Variants in ERC2 observed in about 807,000 individuals in gnomAD.
The protein encoded by ERC2 is ELKS/RAB6-interacting/CAST family member 2, also known as ERC protein 2.
Under a neutral mutation model 114.8 loss-of-function variants are expected in ERC2, and 42 were observed. That is an observed-to-expected ratio of 0.37 (90% CI 0.29 to 0.47). The LOEUF (loss-of-function observed/expected upper bound fraction) is 0.47, where lower values mean the gene tolerates loss of function less well. ERC2 is among the 20% of genes least tolerant of loss of function. The probability of loss-of-function intolerance (pLI) is 0.99; values close to 1 mark genes in which losing one functional copy is unlikely to be tolerated. For missense variants in ERC2, 939 were observed against 1,150.7 expected (o/e 0.82, Z 2.66); for synonymous variants, 454 against 425.5 (o/e 1.07, Z -0.82).
chr3:56,436,670 TG>T (rs1463090496), intron 1 of ERC2, among the ~76,000 whole-genome samples: 12 of 152,114 alleles, frequency 7.9e-5, no homozygotes, highest in Non-Finnish European at 1.8e-4. Context: ...CCTCCAGACA[TG>T]GTAGCTAGTT....
intron 6 of ERC2, among the ~76,000 whole-genome samples, chr3:56,112,300 G>C (rs1266085450): frequency 1.3e-5 from 2 of 152,074 alleles, no homozygotes; most frequent in Non-Finnish European, 2.9e-5. Flanking sequence ...ATATAACCAA[G>C]AAGTCATGTC....
chr3:56,013,574 G>T (rs1190768476), intron 8 of ERC2, among the ~76,000 whole-genome samples: 1 of 152,180 alleles, frequency 6.6e-6, no homozygotes, highest in Non-Finnish European at 1.5e-5. Context: ...AGGAGCGGTG[G>T]GTTGAGAAGT....
intron 6 of ERC2, among the ~76,000 whole-genome samples, chr3:56,130,932 T>C (rs1472291700): frequency 6.6e-6 from 1 of 152,198 alleles, no homozygotes; most frequent in Non-Finnish European, 1.5e-5. Context: ...GCCTCATTTG[T>C]ATGTGACCCC....
chr3:55,805,711 C>T (rs1488906943), intron 14 of ERC2, among the ~76,000 whole-genome samples: 1 of 152,090 alleles, frequency 6.6e-6, no homozygotes, highest in Non-Finnish European at 1.5e-5. Flanking sequence ...AGATAGCAGA[C>T]AGATTCTAGA....
At chr3:55,972,812 T>G (rs2069270409) in intron 12 of ERC2, among the ~76,000 whole-genome samples, 1 of 152,138 alleles carries the variant, frequency 6.6e-6, no homozygotes, top group Non-Finnish European at 1.5e-5. Context: ...AACATTAAAT[T>G]TGAACTTCAA....
intron 3 of ERC2, among the ~76,000 whole-genome samples, chr3:56,191,748 C>G (rs1028048001): frequency 6.6e-6 from 1 of 152,092 alleles, no homozygotes; most frequent in African/African-American, 2.4e-5. Flanking sequence ...CACTCACCCA[C>G]ATACACTCCC....
rs1357569200 is a variant in ERC2 at position 55,539,381 on chromosome 3, T to C, written c.*40-28105A>G. On this transcript the variant is annotated intron_variant, in intron 17 of 17. Coordinates refer to ENST00000288221, the MANE Select transcript of ERC2 (RefSeq NM_015576.3). ...ACGTATTTTCTTTTCTTTTATTTTCTTTTTTCTTTCTCTCTCTCTCTCTTT... is the reference window on the plus strand; with the variant it reads ...ACGTATTTTCTTTTCTTTTATTTTCCTTTTTCTTTCTCTCTCTCTCTCTTT... Among the ~76,000 whole-genome samples the C allele has an allele frequency of 4.0e-5, 6 of 149,818 alleles. No homozygotes were observed. In the East Asian group the frequency reaches 1.2e-3, roughly 30 times the overall value.
intron 7 of ERC2, among the ~76,000 whole-genome samples, chr3:56,036,488 A>C (rs891756535): frequency 3.3e-5 from 5 of 152,174 alleles, no homozygotes; most frequent in African/African-American, 1.2e-4. Context: ...AGGGACCAAG[A>C]TGGCTGACTG....
At chr3:55,574,434 A>C (rs1321144771) in intron 17 of ERC2, among the ~76,000 whole-genome samples, 9 of 152,130 alleles carry the variant, frequency 5.9e-5, no homozygotes, top group Non-Finnish European at 1.5e-5. Context: ...CCTAGGAGGA[A>C]TGAGCTCTCT....
At chr3:55,679,099 C>CTGCTCAGT (rs2061941903) in intron 17 of ERC2, among the ~76,000 whole-genome samples, 2 of 152,226 alleles carry the variant, frequency 1.3e-5, no homozygotes, top group African/African-American at 4.8e-5. Context: ...CCTCTGATGT[C>CTGCTCAGT]TGCTCAGTTT....
At chr3:56,095,841 C>A (rs2078033445) in intron 6 of ERC2, among the ~76,000 whole-genome samples, 1 of 152,138 alleles carries the variant, frequency 6.6e-6, no homozygotes, top group Non-Finnish European at 1.5e-5. Flanking sequence ...GAAGAATTAT[C>A]CATGGTGGTA....
At chr3:56,128,710 C>T (rs182922876) in intron 6 of ERC2, among the ~76,000 whole-genome samples, 11 of 152,302 alleles carry the variant, frequency 7.2e-5, no homozygotes, top group Admixed American at 2.0e-4. Flanking sequence ...ATTTCTTTCC[C>T]TCCTTCTGGT....
chr3:56,240,222 T>C lies in ERC2; in HGVS notation c.1074+55797A>G, dbSNP rs180935325. 5.1e-3 allele frequency among the ~76,000 whole-genome samples: 782 copies of C among 152,252 alleles called. 10 individuals are homozygous for C. Among genetic ancestry groups the C allele is most frequent in the African/African-American group, 0.018 (730 of 41,550 alleles). On this transcript the variant is annotated intron_variant, in intron 3 of 17. Coordinates refer to ENST00000288221, the MANE Select transcript of ERC2 (RefSeq NM_015576.3). ...CAGCTTCTTCACCAGGCCACAGAAT[T>C]GTATCTCTGAAATTTCAATCCACAT...
intron 14 of ERC2, among the ~76,000 whole-genome samples, chr3:55,771,513 C>G (rs1405671507): frequency 6.6e-6 from 1 of 152,144 alleles, no homozygotes; most frequent in African/African-American, 2.4e-5. Context: ...GAACCCAGGT[C>G]TGTTTATCTC....
At chr3:56,133,728 TG>T (rs1366166351) in intron 6 of ERC2, among the ~76,000 whole-genome samples, 2 of 152,228 alleles carry the variant, frequency 1.3e-5, no homozygotes, top group Non-Finnish European at 2.9e-5. Context: ...CTGCATCTCC[TG>T]GAACTCAGTG....
At chr3:56,439,632 T>A (rs2062194553) in intron 1 of ERC2, among the ~76,000 whole-genome samples, 2 of 152,214 alleles carry the variant, frequency 1.3e-5, no homozygotes, top group South Asian at 4.1e-4. Flanking sequence ...GTATAACTTT[T>A]CTTTAAAATT....
chr3:55,684,007 A>T, intron 16 of ERC2, 148 bp from the exon 17 acceptor site: 2 of 856,450 alleles, frequency 2.3e-6, no homozygotes, highest in South Asian at 4.0e-5. Flanking sequence ...AAAAAAATCC[A>T]TAGTAACTTA....
At chr3:56,216,013 T>C (rs2049444185) in intron 3 of ERC2, among the ~76,000 whole-genome samples, 1 of 152,156 alleles carries the variant, frequency 6.6e-6, no homozygotes, top group South Asian at 2.1e-4. Context: ...GGGAAATTTA[T>C]AGCACTAAAT....
intron 12 of ERC2, among the ~76,000 whole-genome samples, chr3:55,981,056 T>C (rs1244233271): frequency 6.6e-6 from 1 of 152,210 alleles, no homozygotes; most frequent in Non-Finnish European, 1.5e-5. Context: ...AAAACATTAG[T>C]CATGGCAAGT....
Sources: allele counts gnomAD v4.1 joint callset (sites outside exome capture counted in the v4.1 genomes callset), GRCh38; gene constraint gnomAD v4.1.1; transcripts MANE v1.5; gene names NCBI Gene and HGNC (gene_info 2026-07-23, HGNC 2026-07-21).